Variants in RBFOX1 observed in about 807,000 individuals in gnomAD.
RBFOX1 encodes RNA binding fox-1 homolog 1, also known as RNA binding protein fox-1 homolog 1.
RBFOX1 carries 8 observed loss-of-function variants against 57.7 expected under a neutral mutation model. The observed-to-expected ratio is 0.14, with a 90% CI of 0.08 to 0.25. The LOEUF is 0.25. RBFOX1 is among the 10% of genes least tolerant of loss of function. The probability of loss-of-function intolerance (pLI) is 1.00; values close to 1 mark genes in which losing one functional copy is unlikely to be tolerated. For missense variants in RBFOX1, 611 were observed against 548.5 expected (o/e 1.11, Z -1.14); for synonymous variants, 326 against 222.4 (o/e 1.47, Z -4.15).
intron 1 of RBFOX1, among the ~76,000 whole-genome samples, chr16:6,095,246 A>G (rs1170962749): frequency 5.9e-5 from 9 of 152,238 alleles, no homozygotes; most frequent in Non-Finnish European, 1.3e-4. Context: ...AAACATTTAA[A>G]GTAACTTTGA....
At chr16:5,692,545 C>G (rs142618592) in intron 3 of RBFOX1, among the ~76,000 whole-genome samples, 15 of 152,132 alleles carry the variant, frequency 9.9e-5, no homozygotes, top group Admixed American at 4.6e-4. Context: ...CTGCTGTACC[C>G]GGTCTCCTAA....
intron 4 of RBFOX1, among the ~76,000 whole-genome samples, chr16:7,224,663 G>C (rs1365772965): frequency 6.6e-6 from 1 of 152,208 alleles, no homozygotes; most frequent in Non-Finnish European, 1.5e-5. Context: ...TTAAAATAAA[G>C]TAGAAAGACC....
intron 3 of RBFOX1, among the ~76,000 whole-genome samples, chr16:5,630,548 C>T (rs1441344205): frequency 6.6e-6 from 1 of 152,170 alleles, no homozygotes; most frequent in Non-Finnish European, 1.5e-5. Flanking sequence ...TCAATCTCTG[C>T]CTGCAGGCCA....
chr16:6,392,645 G>C (rs1163487133), intron 2 of RBFOX1, among the ~76,000 whole-genome samples: 3 of 152,188 alleles, frequency 2.0e-5, no homozygotes, highest in Non-Finnish European at 4.4e-5. Context: ...GGGACTAATA[G>C]ACCCCCCTAA....
At chr16:5,703,103 C>G (rs1479802259) in intron 3 of RBFOX1, among the ~76,000 whole-genome samples, 1 of 152,152 alleles carries the variant, frequency 6.6e-6, no homozygotes, top group Non-Finnish European at 1.5e-5. Flanking sequence ...GATGCCAGGT[C>G]TTTGCCCACA....
intron 4 of RBFOX1, among the ~76,000 whole-genome samples, chr16:7,206,666 G>A (rs1427623532): frequency 6.6e-6 from 1 of 152,034 alleles, no homozygotes; most frequent in Non-Finnish European, 1.5e-5. Flanking sequence ...GTTTTAAAAG[G>A]TGATCCTGAA....
chr16:5,808,103 G>C (rs1288515121), intron 3 of RBFOX1, among the ~76,000 whole-genome samples: 1 of 152,176 alleles, frequency 6.6e-6, no homozygotes, highest in Non-Finnish European at 1.5e-5. Flanking sequence ...CTAGCTCCTG[G>C]TATATCAGAA....
rs868735313 is a variant in RBFOX1 at position 7,119,125 on chromosome 16, T to C, written c.27+67027T>C. ...GAATCTAGGCAAGTGTTGCAATGTA[T>C]GTGTGCTCTTGATCTGAGGAAGACC... On this transcript the variant is annotated intron_variant, in intron 4 of 15. Coordinates refer to ENST00000550418, the MANE Select transcript of RBFOX1 (RefSeq NM_018723.4). Among the ~76,000 whole-genome samples the C allele has an allele frequency of 2.6e-5, 4 of 152,274 alleles. No homozygotes were observed. The South Asian group carries it at 8.3e-4, about 32-fold the overall frequency.
At chr16:7,133,605 T>A (rs922873365) in intron 4 of RBFOX1, among the ~76,000 whole-genome samples, 4 of 152,194 alleles carry the variant, frequency 2.6e-5, no homozygotes, top group African/African-American at 9.6e-5. Context: ...CCAAAGAAAC[T>A]TTCCATTTTA....
At chr16:6,708,508 C>G (rs555338538) in intron 3 of RBFOX1, among the ~76,000 whole-genome samples, 1 of 152,242 alleles carries the variant, frequency 6.6e-6, no homozygotes, top group Non-Finnish European at 1.5e-5. Context: ...CATCACGTTC[C>G]TCTTGCTCTT....
intron 2 of RBFOX1, among the ~76,000 whole-genome samples, chr16:5,527,646 A>G (rs1409032808): frequency 1.3e-5 from 2 of 152,180 alleles, no homozygotes; most frequent in Admixed American, 6.5e-5. Context: ...ATTGGAGGGC[A>G]GGGTTTAGGA....
chr16:7,038,175 G>A (rs1417214219), intron 3 of RBFOX1, among the ~76,000 whole-genome samples: 1 of 149,936 alleles, frequency 6.7e-6, no homozygotes, highest in East Asian at 2.2e-4. Context: ...AGAGTTTCCT[G>A]GCTATAGGGT....
intron 3 of RBFOX1, among the ~76,000 whole-genome samples, chr16:6,717,497 G>A (rs28607494): frequency 2.0e-5 from 3 of 151,978 alleles, no homozygotes; most frequent in Non-Finnish European, 4.4e-5. Context: ...AAACTTGGAG[G>A]TTTAGAAGCA....
chr16:6,810,213 C>T (rs1603627605), intron 3 of RBFOX1, among the ~76,000 whole-genome samples: 1 of 152,060 alleles, frequency 6.6e-6, no homozygotes, highest in South Asian at 2.1e-4. Flanking sequence ...GTTAGCTATC[C>T]AGAAAATGTC....
chr16:6,087,001 C>G (rs1305636003), intron 1 of RBFOX1, among the ~76,000 whole-genome samples: 2 of 152,166 alleles, frequency 1.3e-5, no homozygotes, highest in Non-Finnish European at 2.9e-5. Flanking sequence ...AAGAGGAACC[C>G]TTCTCACAAT....
At chr16:6,261,841 C>T (rs2097703252) in intron 1 of RBFOX1, among the ~76,000 whole-genome samples, 1 of 148,994 alleles carries the variant, frequency 6.7e-6, no homozygotes, top group Non-Finnish European at 1.5e-5. Flanking sequence ...ACTAAAAATA[C>T]CAAAAAACAA....
chr16:6,433,624 G>A (rs2094155299), intron 2 of RBFOX1, among the ~76,000 whole-genome samples: 1 of 152,188 alleles, frequency 6.6e-6, no homozygotes, highest in African/African-American at 2.4e-5. Flanking sequence ...GAGATCAGAT[G>A]TCTGGAAAGA....
chr16:7,395,248 A>G (rs933195498), intron 4 of RBFOX1, among the ~76,000 whole-genome samples: 6 of 152,096 alleles, frequency 3.9e-5, no homozygotes, highest in Admixed American at 3.3e-4. Flanking sequence ...CTTAGGTGAC[A>G]GAATTGCTCT....
chr16:5,527,648 G>C (rs2044298000), intron 2 of RBFOX1, among the ~76,000 whole-genome samples: 1 of 152,136 alleles, frequency 6.6e-6, no homozygotes, highest in Non-Finnish European at 1.5e-5. Flanking sequence ...TGGAGGGCAG[G>C]GTTTAGGATG....
Sources: allele counts gnomAD v4.1 joint callset (sites outside exome capture counted in the v4.1 genomes callset), GRCh38; gene constraint gnomAD v4.1.1; transcripts MANE v1.5; gene names NCBI Gene and HGNC (gene_info 2026-07-23, HGNC 2026-07-21).